Variants in ADAMTS3 observed in about 807,000 individuals in gnomAD.
The protein encoded by ADAMTS3 is ADAM metallopeptidase with thrombospondin type 1 motif 3, also known as A disintegrin and metalloproteinase with thrombospondin motifs 3.
ADAMTS3 carries 73 observed loss-of-function variants against 129.0 expected under a neutral mutation model. The ratio of observed to expected loss-of-function variants is 0.57; its 90% CI spans 0.47 to 0.69. The LOEUF is 0.69. Ranked by LOEUF, ADAMTS3 falls within the 30% of genes least tolerant of loss-of-function variation. The probability of loss-of-function intolerance (pLI) is 0.00; values close to 1 mark genes in which losing one functional copy is unlikely to be tolerated. For missense variants in ADAMTS3, 1,457 were observed against 1,514.5 expected, an observed-to-expected ratio of 0.96 and a Z score of 0.63; for synonymous variants, 477 against 510.8, an observed-to-expected ratio of 0.93 and a Z score of 0.89.
At chr4:72,405,279 T>A (rs1578652153) in intron 4 of ADAMTS3, among the ~76,000 whole-genome samples, 1 of 152,250 alleles carries the variant, frequency 6.6e-6, no homozygotes, top group East Asian at 1.9e-4. Flanking sequence ...ATCGAAGATG[T>A]GGAAACAACC....
At chr4:72,544,892 C>T (rs1721426524) in intron 3 of ADAMTS3, among the ~76,000 whole-genome samples, 1 of 151,924 alleles carries the variant, frequency 6.6e-6, no homozygotes, top group Admixed American at 6.6e-5. Flanking sequence ...TAATTTTTAA[C>T]CATCTTTAAA....
At chr4:72,515,071 T>A (rs555474818) in intron 3 of ADAMTS3, among the ~76,000 whole-genome samples, 68 of 152,246 alleles carry the variant, frequency 4.5e-4, no homozygotes, top group African/African-American at 1.5e-3. Flanking sequence ...CATCTATGAA[T>A]GAGAACATGC....
chr4:72,354,342 T>G (rs954903453), intron 4 of ADAMTS3, among the ~76,000 whole-genome samples: 1 of 151,960 alleles, frequency 6.6e-6, no homozygotes. Flanking sequence ...CAAATCAAGA[T>G]TTTTTCCCTT....
intron 3 of ADAMTS3, among the ~76,000 whole-genome samples, chr4:72,490,338 A>T (rs1216916568): frequency 6.6e-6 from 1 of 151,826 alleles, no homozygotes; most frequent in Non-Finnish European, 1.5e-5. Flanking sequence ...TTCTATGCAA[A>T]TGCTTTTCAC....
At chr4:72,361,618 A>T (rs940871627) in intron 4 of ADAMTS3, among the ~76,000 whole-genome samples, 1 of 152,136 alleles carries the variant, frequency 6.6e-6, no homozygotes, top group African/African-American at 2.4e-5. Context: ...TGATACATCC[A>T]TATATTCCTA....
intron 3 of ADAMTS3, among the ~76,000 whole-genome samples, chr4:72,445,515 A>G (rs1384538940): frequency 6.6e-6 from 1 of 151,726 alleles, no homozygotes; most frequent in East Asian, 2.0e-4. Flanking sequence ...TAAGAGTAAA[A>G]TAGAAGGAAC....
chr4:72,291,146 GCTCT>G (rs1401994399), intron 19 of ADAMTS3, 84 bp from the exon 20 acceptor site: 19 of 1,462,604 alleles, frequency 1.3e-5, no homozygotes, highest in Admixed American at 7.7e-5. Flanking sequence ...AGACTTTTCT[GCTCT>G]CTAAGTGACT....
intron 4 of ADAMTS3, among the ~76,000 whole-genome samples, chr4:72,396,650 T>C (rs566732272): frequency 6.6e-6 from 1 of 152,172 alleles, no homozygotes; most frequent in Non-Finnish European, 1.5e-5. Flanking sequence ...CTCTTTTCCT[T>C]CCATAAAGAT....
rs1327437857 is a variant in ADAMTS3, at chr4:72,355,254, C to A, written c.662-15561G>T. On this transcript the variant is annotated intron_variant, in intron 4 of 21. Transcript: ENST00000286657. ...GAACTGTTCAGATTCTTCCCTGAACCAAGGGACCAGCTCACATTTCTTCAT... is the reference window on the plus strand; with the variant it reads ...GAACTGTTCAGATTCTTCCCTGAACAAAGGGACCAGCTCACATTTCTTCAT... 4.6e-5 allele frequency among the ~76,000 whole-genome samples: 7 copies of A among 151,434 alleles called. No homozygotes were observed. The East Asian group carries it at 1.4e-3, about 29-fold the overall frequency.
chr4:72,350,065 A>G (rs1720388247), intron 4 of ADAMTS3, among the ~76,000 whole-genome samples: 1 of 152,050 alleles, frequency 6.6e-6, no homozygotes, highest in Non-Finnish European at 1.5e-5. Context: ...TTCCTAGTCC[A>G]CAAATAATAT....
intron 4 of ADAMTS3, among the ~76,000 whole-genome samples, chr4:72,340,007 G>A (rs1351599324): frequency 6.6e-6 from 1 of 152,100 alleles, no homozygotes; most frequent in Non-Finnish European, 1.5e-5. Flanking sequence ...TCAAGGCAGT[G>A]GGGGTACAGA....
At chr4:72,499,331 T>C (rs764138972) in intron 3 of ADAMTS3, among the ~76,000 whole-genome samples, 4 of 152,152 alleles carry the variant, frequency 2.6e-5, no homozygotes, top group Non-Finnish European at 5.9e-5. Context: ...TTTTTAATTA[T>C]AGTAAATCAA....
At chr4:72,364,907 T>A (rs1045087050) in intron 4 of ADAMTS3, among the ~76,000 whole-genome samples, 111 of 152,250 alleles carry the variant, frequency 7.3e-4, no homozygotes, top group African/African-American at 2.5e-3. Context: ...GAAAAAAATA[T>A]AGCACTATAT....
At chr4:72,420,095 AT>A (rs1400892689) in intron 3 of ADAMTS3, among the ~76,000 whole-genome samples, 1 of 152,098 alleles carries the variant, frequency 6.6e-6, no homozygotes, top group Non-Finnish European at 1.5e-5. Flanking sequence ...ACCTTTTAAA[AT>A]GTAAGCTCCT....
At position 72,355,602 on chromosome 4, in the gene ADAMTS3, A is replaced by G. The variant is rs577303540; in HGVS notation, c.662-15909T>C. On this transcript the variant is annotated intron_variant, in intron 4 of 21. Transcript: ENST00000286657. ...GTTGGTTTGCCCTCTGCCATGTGAC[A>G]TCATAGTATTCATCCCCTCGTGGGT... Among the ~76,000 whole-genome samples, 5 of 152,114 alleles carry G rather than the reference A, an allele frequency of 3.3e-5. No individual in the cohort carries two copies. In the East Asian group the frequency reaches 9.7e-4, roughly 29 times the overall value.
At chr4:72,287,084 G>A (rs984261598) in intron 21 of ADAMTS3, among the ~76,000 whole-genome samples, 1 of 151,998 alleles carries the variant, frequency 6.6e-6, no homozygotes, top group African/African-American at 2.4e-5. Context: ...GGCCATCAGG[G>A]TGGAGCGCTT....
chr4:72,452,347 A>G (rs1578691594), intron 3 of ADAMTS3, among the ~76,000 whole-genome samples: 1 of 151,432 alleles, frequency 6.6e-6, no homozygotes, highest in East Asian at 2.0e-4. Flanking sequence ...GGATATGTAT[A>G]CTAGTCAAAG....
At chr4:72,308,667 G>A (rs28695474) in intron 15 of ADAMTS3, among the ~76,000 whole-genome samples, 2,978 of 151,992 alleles carry the variant, frequency 0.02, 90 homozygotes, top group African/African-American at 0.068. Context: ...AGTAATAAAT[G>A]TCTGTATACA....
At chr4:72,423,021 T>C (rs1157560095) in intron 3 of ADAMTS3, among the ~76,000 whole-genome samples, 2 of 152,172 alleles carry the variant, frequency 1.3e-5, no homozygotes, top group African/African-American at 4.8e-5. Context: ...AATGTTTTCT[T>C]AAAATTCTGT....
Sources: gnomAD v4.1 joint callset for allele counts (sites outside exome capture counted in the v4.1 genomes callset) on GRCh38, gnomAD v4.1.1 for gene constraint, MANE v1.5 for transcripts, NCBI Gene and HGNC (gene_info 2026-07-23, HGNC 2026-07-21) for gene names.